The following ADAMTSL1 variants were observed in gnomAD, a reference collection of about 807,000 sequenced individuals.
ADAMTSL1 encodes ADAMTS-like protein 1.
Under a neutral mutation model 201.8 loss-of-function variants are expected in ADAMTSL1, and 126 were observed. The ratio of observed to expected loss-of-function variants is 0.62; its 90% CI spans 0.54 to 0.72. ADAMTSL1 has a LOEUF of 0.72. ADAMTSL1 is among the 30% of genes least tolerant of loss of function. The pLI is 0.00. For missense variants in ADAMTSL1, 2,679 were observed against 2,277.8 expected (o/e 1.18, Z -3.59); for synonymous variants, 1,121 against 903.4 (o/e 1.24, Z -4.32).
intron 7 of ADAMTSL1, among the ~76,000 whole-genome samples, chr9:18,655,204 C>T (rs1253413346): frequency 6.6e-6 from 1 of 152,226 alleles, no homozygotes; most frequent in Non-Finnish European, 1.5e-5. Context: ...CTTATACTAT[C>T]TCCTTGATTC....
rs141339926 is a variant in ADAMTSL1, at chr9:17,987,121, G to A, written c.87+80199G>A. Among the ~76,000 whole-genome samples the A allele has an allele frequency of 4.4e-3, 669 of 152,080 alleles. 6 individuals carry two copies. Among genetic ancestry groups the A allele is most frequent in the Non-Finnish European group, 4.6e-3 (311 of 67,932 alleles). The stretch of plus-strand genomic sequence containing the variant: ...TTATATCATGTCTCTCTGAGTTTTC[G>A]GAGAGTATCTGTAAGTTTTGATATC... On this transcript the variant is annotated intron_variant, in intron 1 of 29. Transcript: ENST00000680146.
At chr9:18,515,660 A>T (rs1368688987) in intron 2 of ADAMTSL1, among the ~76,000 whole-genome samples, 1 of 152,134 alleles carries the variant, frequency 6.6e-6, no homozygotes, top group East Asian at 1.9e-4. Context: ...CTTTTATGTT[A>T]AAAGGAGTTT....
intron 2 of ADAMTSL1, among the ~76,000 whole-genome samples, chr9:18,389,805 A>G (rs1837968502): frequency 6.6e-6 from 1 of 152,214 alleles, no homozygotes; most frequent in Non-Finnish European, 1.5e-5. Context: ...AAACAATTGA[A>G]ATTACAATCT....
intron 2 of ADAMTSL1, among the ~76,000 whole-genome samples, chr9:18,326,049 A>G (rs1450007347): frequency 2.6e-5 from 4 of 152,016 alleles, no homozygotes; most frequent in Non-Finnish European, 5.9e-5. Context: ...GCCTAAAAGG[A>G]TCTTAATCCT....
intron 2 of ADAMTSL1, among the ~76,000 whole-genome samples, chr9:18,176,728 A>C (rs1355117766): frequency 6.6e-6 from 1 of 152,194 alleles, no homozygotes; most frequent in African/African-American, 2.4e-5. Context: ...TATAAAAATG[A>C]GTTAAGTAGT....
rs1302490098 is a variant in ADAMTSL1, at chr9:18,313,029, G to A, written c.207+149048G>A. On this transcript the variant is annotated intron_variant, in intron 2 of 29. Transcript: ENST00000680146. The stretch of plus-strand genomic sequence containing the variant: ...CTTCTTTTATACAGATCAAACTCAT[G>A]ACTGTGGCCTGAAATAGCTCTTTAA... 2.6e-5 allele frequency among the ~76,000 whole-genome samples: 4 copies of A among 152,188 alleles called. 1 individual carries two copies. The highest frequency in any genetic ancestry group is 5.9e-5 in the Non-Finnish European group (4 of 68,038).
chr9:18,071,867 T>G (rs1360833338), intron 1 of ADAMTSL1, among the ~76,000 whole-genome samples: 1 of 152,208 alleles, frequency 6.6e-6, no homozygotes, highest in East Asian at 1.9e-4. Flanking sequence ...TGCTGAATGA[T>G]GATATTCATC....
chr9:17,986,674 G>A (rs1016129130), intron 1 of ADAMTSL1, among the ~76,000 whole-genome samples: 3 of 152,186 alleles, frequency 2.0e-5, no homozygotes, highest in Middle Eastern at 6.8e-3. Flanking sequence ...TCTCAGGTGA[G>A]CCCTCACTCT....
chr9:18,023,290 T>C (rs1046712801), intron 1 of ADAMTSL1, among the ~76,000 whole-genome samples: 4 of 151,994 alleles, frequency 2.6e-5, no homozygotes, highest in Non-Finnish European at 4.4e-5. Flanking sequence ...AGGTCTGGGG[T>C]GGTGCTCAAG....
At chr9:17,990,606 T>G (rs1819115917) in intron 1 of ADAMTSL1, among the ~76,000 whole-genome samples, 1 of 152,128 alleles carries the variant, frequency 6.6e-6, no homozygotes, top group South Asian at 2.1e-4. Flanking sequence ...CTCATTATAC[T>G]TAATTTCCTG....
chr9:18,474,205 CGATTCT>C lies in ADAMTSL1; in HGVS notation c.-22_-17del. 1.2e-6 allele frequency: 2 copies of C among 1,612,700 alleles called. No homozygotes were observed. Among genetic ancestry groups the C allele is most frequent in the Non-Finnish European group, 1.7e-6 (2 of 1,178,870 alleles). On this transcript the variant is annotated 5_prime_UTR_variant, in exon 1 of 29. Transcript: ENST00000380548. Reference sequence around the variant, plus strand: ...AGCACTTAGCAGCTTATTCAGTGTCCGATTCTGATTCCGGCAAGGATCCAAGCATGG... The same window carrying C: ...AGCACTTAGCAGCTTATTCAGTGTCCGATTCCGGCAAGGATCCAAGCATGG...
At chr9:17,945,151 C>T (rs1827406234) in intron 1 of ADAMTSL1, among the ~76,000 whole-genome samples, 1 of 133,988 alleles carries the variant, frequency 7.5e-6, no homozygotes, top group South Asian at 2.6e-4. Flanking sequence ...AAAAAGTGGG[C>T]AAAGGACATG....
intron 4 of ADAMTSL1, among the ~76,000 whole-genome samples, chr9:18,587,104 C>A (rs572015567): frequency 1.1e-3 from 171 of 152,118 alleles, no homozygotes; most frequent in African/African-American, 3.9e-3. Context: ...CAAATGAAAT[C>A]TAATTAAACT....
chr9:18,469,698 C>A (rs1414849807), upstream of ADAMTSL1, among the ~76,000 whole-genome samples: 3 of 152,228 alleles, frequency 2.0e-5, no homozygotes, highest in Non-Finnish European at 2.9e-5. Context: ...TTGACACCTG[C>A]AAACATAGCA....
intron 23 of ADAMTSL1, among the ~76,000 whole-genome samples, chr9:18,874,702 A>C (rs1405370098): frequency 6.6e-6 from 1 of 152,056 alleles, no homozygotes; most frequent in Non-Finnish European, 1.5e-5. Flanking sequence ...GGATTTTTAC[A>C]TTGATGTTCA....
rs1169125283 is a variant in ADAMTSL1, at chr9:18,191,065, G to A, written c.207+27084G>A. Among the ~76,000 whole-genome samples, 3 of 152,274 alleles carry A rather than the reference G, an allele frequency of 2.0e-5. No homozygotes were observed. The East Asian group carries it at 5.8e-4, about 29-fold the overall frequency. ...TACAGTGGTAAAGGGAACAGCAGAG[G>A]ACTCCAAAAGAAATATTTAGGTCAT... is the stretch of plus-strand genomic sequence containing the variant. On this transcript the variant is annotated intron_variant, in intron 2 of 29. Coordinates refer to the ADAMTSL1 transcript ENST00000680146.
chr9:18,214,194 C>T (rs1286044558), intron 2 of ADAMTSL1, among the ~76,000 whole-genome samples: 1 of 152,102 alleles, frequency 6.6e-6, no homozygotes, highest in East Asian at 1.9e-4. Flanking sequence ...TCTTTTCTCT[C>T]CATCAATAAA....
At chr9:18,255,760 C>T (rs1831657230) in intron 2 of ADAMTSL1, among the ~76,000 whole-genome samples, 1 of 152,140 alleles carries the variant, frequency 6.6e-6, no homozygotes, top group African/African-American at 2.4e-5. Flanking sequence ...CTGTCGAAAT[C>T]CCACTCCTTG....
chr9:18,632,804 G>A (rs570664966), intron 5 of ADAMTSL1, among the ~76,000 whole-genome samples: 2 of 152,220 alleles, frequency 1.3e-5, no homozygotes, highest in South Asian at 2.1e-4. Context: ...GCCATGTGCT[G>A]CCAACTGCTA....
Sources: gnomAD v4.1 joint callset for allele counts (sites outside exome capture counted in the v4.1 genomes callset) on GRCh38, gnomAD v4.1.1 for gene constraint, MANE v1.5 for transcripts, NCBI Gene and HGNC (gene_info 2026-07-23, HGNC 2026-07-21) for gene names.